The following PKD2L1 variants were observed in gnomAD, a reference collection of about 807,000 sequenced individuals.
PKD2L1 encodes polycystin 2 like 1, transient receptor potential cation channel, also known as polycystin-2-like protein 1.
In PKD2L1, 77 loss-of-function variants were observed where a neutral mutation model predicts 93.0. The ratio of observed to expected loss-of-function variants is 0.83; its 90% CI spans 0.69 to 1.00. The LOEUF is 1.00. PKD2L1 is among the 50% of genes least tolerant of loss of function. PKD2L1 has a pLI of 0.00. For synonymous variants in PKD2L1, 390 were observed against 388.0 expected (o/e 1.01, Z -0.06); for missense variants, 977 against 990.9 (o/e 0.99, Z 0.19).
chr10:100,299,902 G>C (rs1589666649), intron 2 of PKD2L1, among the ~76,000 whole-genome samples, 184 bp from the exon 3 acceptor site: 1 of 152,106 alleles, frequency 6.6e-6, no homozygotes, highest in African/African-American at 2.4e-5. Flanking sequence ...ATTAGGAAAG[G>C]GTTGTAGCTA....
At chr10:100,318,891 GGCT>G (rs1564893323) in intron 2 of PKD2L1, among the ~76,000 whole-genome samples, 1 of 148,644 alleles carries the variant, frequency 6.7e-6, no homozygotes, top group East Asian at 2.0e-4. Flanking sequence ...CTGTCGCCCA[GGCT>G]GAGTACAGTG....
At chr10:100,290,338 A>G in intron 13 of PKD2L1, 63 bp downstream of exon 13, 2 of 1,303,950 alleles carry the variant, frequency 1.5e-6, no homozygotes, top group Non-Finnish European at 2.2e-6. Flanking sequence ...GGAAAAGTAC[A>G]AGACAGGGTA....
chr10:100,313,041 C>T (rs1053910240), intron 2 of PKD2L1, among the ~76,000 whole-genome samples: 1 of 152,102 alleles, frequency 6.6e-6, no homozygotes, highest in Admixed American at 6.6e-5. Flanking sequence ...ACGTAAAAGT[C>T]CTGTCTTTGT....
chr10:100,324,545 T>C (rs1309393076), intron 2 of PKD2L1, among the ~76,000 whole-genome samples: 2 of 152,222 alleles, frequency 1.3e-5, no homozygotes, highest in African/African-American at 4.8e-5. Flanking sequence ...CCTTTTCAGA[T>C]TGGCTTCTCT....
intron 2 of PKD2L1, among the ~76,000 whole-genome samples, chr10:100,319,961 G>T (rs2133568135): frequency 6.6e-6 from 1 of 152,324 alleles, no homozygotes; most frequent in Non-Finnish European, 1.5e-5. Context: ...GAAGACAAAG[G>T]GCTGGAAGCC....
At position 100,299,672 on chromosome 10, in the gene PKD2L1, C is replaced by A; in HGVS notation, c.396G>T (p.Val132=). The A allele has an allele frequency of 6.2e-7, 1 of 1,612,906 alleles. No homozygotes were observed. The highest frequency in any genetic ancestry group is 8.5e-7 in the Non-Finnish European group (1 of 1,178,876). ...GAGTATGTAAGAAGAGCTCAGACATCACTTTGGTGTAGTAATAAGCACTGG... is the reference window on the plus strand; with the variant it reads ...GAGTATGTAAGAAGAGCTCAGACATAACTTTGGTGTAGTAATAAGCACTGG... ...TSSSAYYYTK[V]MSELFLHTPS... Residue 132 remains valine (V), a synonymous_variant, in exon 3 of 16, where the codon GTG becomes GTT. Coordinates refer to ENST00000318222, the MANE Select transcript of PKD2L1 (RefSeq NM_016112.3).
rs771254863 is a variant in PKD2L1, at chr10:100,290,018, G to T, written c.2247C>A (p.Gly749=). 2 of 1,614,154 alleles carry T rather than the reference G, an allele frequency of 1.2e-6. No homozygotes were observed. Among genetic ancestry groups the T allele is most frequent in the Admixed American group, 3.3e-5 (2 of 60,024 alleles). Residue 749 remains glycine, a synonymous_variant, in exon 14 of 16, where the codon GGC becomes GGA. Transcript: ENST00000318222. ...ERKGWLAPSP[G]VKEQAIWKHP... ...GACCAGGTGAAGGGCCACTCACCAC[G>T]CCTGGGGAGGGAGCCAGCCACCCCT...
intron 2 of PKD2L1, among the ~76,000 whole-genome samples, chr10:100,308,348 T>C (rs1394005821): frequency 6.6e-6 from 1 of 151,974 alleles, no homozygotes; most frequent in Non-Finnish European, 1.5e-5. Flanking sequence ...TTTTTTTTTT[T>C]CTCGAGATGG....
intron 12 of PKD2L1, 84 bp downstream of exon 12, chr10:100,291,217 T>C: frequency 1.4e-6 from 2 of 1,381,376 alleles, no homozygotes; most frequent in Non-Finnish European, 2.0e-6. Flanking sequence ...AGTTTTCAGG[T>C]GGGTTTGTGT....
At chr10:100,302,454 T>C (rs1350461153) in intron 2 of PKD2L1, among the ~76,000 whole-genome samples, 1 of 151,570 alleles carries the variant, frequency 6.6e-6, no homozygotes, top group South Asian at 2.1e-4. Flanking sequence ...CCTAGCACTG[T>C]GGGTGGTGGA....
rs894352027 is a variant in PKD2L1 at position 100,298,546 on chromosome 10, G to C, written c.731+16C>G. 6 of 1,612,666 alleles carry C rather than the reference G, an allele frequency of 3.7e-6. No homozygotes were observed. The highest frequency in any genetic ancestry group is 5.1e-6 in the Non-Finnish European group (6 of 1,179,124). ...AGGGGCAAGCCCTGTGATATTGGTA[G>C]GACAGGCTCACTCACGCTGTGCCAT... On this transcript the variant is annotated intron_variant, in intron 4 of 15. Transcript: ENST00000318222.
intron 2 of PKD2L1, among the ~76,000 whole-genome samples, chr10:100,306,915 A>C (rs1229310624): frequency 6.6e-6 from 1 of 151,382 alleles, no homozygotes; most frequent in Non-Finnish European, 1.5e-5. Flanking sequence ...AAAACAAAAA[A>C]CTTGATGATC....
chr10:100,298,717 G>A lies in PKD2L1; in HGVS notation c.576C>T (p.Asn192=), dbSNP rs536522901. The stretch of plus-strand genomic sequence containing the variant: ...GCAGCCTCGGAACCCCCAGCAGCAT[G>A]TTCTCATAGTAGATGAAGGAGTGGG... ...HGSHSFIYYE[N]MLLGVPRLRQ... Residue 192 remains asparagine (N), a synonymous_variant, in exon 4 of 16, where the codon AAC becomes AAT. Coordinates refer to ENST00000318222, the MANE Select transcript of PKD2L1 (RefSeq NM_016112.3). The A allele has an allele frequency of 1.7e-5, 27 of 1,614,106 alleles. No individual in the cohort carries two copies. Among genetic ancestry groups the A allele is most frequent in the South Asian group, 4.4e-5 (4 of 91,072 alleles).
chr10:100,313,837 C>G (rs183393746), intron 2 of PKD2L1, among the ~76,000 whole-genome samples: 22 of 152,212 alleles, frequency 1.4e-4, no homozygotes, highest in African/African-American at 5.3e-4. Flanking sequence ...GAAGACTTTA[C>G]GCAGACAGAT....
At chr10:100,301,511 C>T (rs934584959) in intron 2 of PKD2L1, among the ~76,000 whole-genome samples, 4 of 149,982 alleles carry the variant, frequency 2.7e-5, no homozygotes, top group Non-Finnish European at 1.5e-5. Flanking sequence ...ATATTCCTTA[C>T]TGGGGAAAGA....
chr10:100,316,125 C>T (rs1849095959), intron 2 of PKD2L1, among the ~76,000 whole-genome samples: 1 of 152,180 alleles, frequency 6.6e-6, no homozygotes, highest in Non-Finnish European at 1.5e-5. Flanking sequence ...TGTTTGTTTA[C>T]ATGTCAGCCT....
intron 1 of PKD2L1, 32 bp downstream of exon 1, chr10:100,329,837 T>A: frequency 7.1e-7 from 1 of 1,401,332 alleles, no homozygotes; most frequent in Non-Finnish European, 1.0e-6. Flanking sequence ...CTGATTCTAA[T>A]ATCCCAGGAG....
At position 100,293,369 on chromosome 10, in the gene PKD2L1, A is replaced by G. The variant is rs1457399235; in HGVS notation, c.1670T>C (p.Leu557Pro). 1 of 1,611,034 alleles carries G rather than the reference A, an allele frequency of 6.2e-7. No homozygotes were observed. The highest frequency in any genetic ancestry group is 8.5e-7 in the Non-Finnish European group (1 of 1,177,172). ...FVFFVLLNMF[L>P]AIINDTYSEV... ...TGAATATGTGTCATTGATGATGGCCAGGAACATGTTCTGGAAAATGAAGTG... is the reference window on the plus strand; with the variant it reads ...TGAATATGTGTCATTGATGATGGCCGGGAACATGTTCTGGAAAATGAAGTG... Residue 557 changes from leucine (L) to proline (P), a missense_variant, in exon 10 of 16, where the codon CTG (leucine) becomes CCG (proline). Transcript: ENST00000318222.
At chr10:100,302,497 G>T (rs1034472270) in intron 2 of PKD2L1, among the ~76,000 whole-genome samples, 9 of 151,096 alleles carry the variant, frequency 6.0e-5, no homozygotes, top group Non-Finnish European at 1.2e-4. Flanking sequence ...AGGAGTTCGA[G>T]ACTAGCCTGG....
Sources: allele counts gnomAD v4.1 joint callset (sites outside exome capture counted in the v4.1 genomes callset), GRCh38; gene constraint gnomAD v4.1.1; transcripts MANE v1.5; gene names NCBI Gene and HGNC (gene_info 2026-07-23, HGNC 2026-07-21).